Variants in NACA observed in about 807,000 individuals in gnomAD.
NACA encodes the protein nascent polypeptide-associated complex subunit alpha.
NACA carries 42 observed loss-of-function variants against 86.4 expected under a neutral mutation model. The observed-to-expected ratio is 0.49, with a 90% CI of 0.38 to 0.63. The LOEUF (loss-of-function observed/expected upper bound fraction) is 0.63, where lower values mean the gene tolerates loss of function less well. Ranked by LOEUF, NACA falls within the 20% of genes least tolerant of loss-of-function variation. The pLI is 0.00. For synonymous variants in NACA, 898 were observed against 973.7 expected (o/e 0.92, Z 1.45); for missense variants, 2,157 against 2,483.6 (o/e 0.87, Z 2.80).
Position 56,716,700 on chromosome 12 carries a change from G to C in NACA, c.4830C>G (p.Pro1610=). 7.1e-7 allele frequency: 1 copy of C among 1,412,748 alleles called. No individual in the cohort carries two copies. The highest frequency in any genetic ancestry group is 9.5e-7 in the Non-Finnish European group (1 of 1,057,914). 87.5% of individuals were successfully genotyped at this position (1,412,748 alleles called of 1,614,324 possible). A position where few individuals can be genotyped will look rare whatever the true frequency, so the allele number is the denominator to read the frequency against. ...CAGCTGGAGGAGTAGGTGCCTCTTT[G>C]GGGGAAGGAGAAGTCACAGCTGGTG... ...LIPPAVTSPS[P]KEAPTPPAVT... is the part of the protein sequence containing the mutation. The change falls in exon 3 of 9, where the codon CCC becomes CCG. Residue 1610 remains proline, a synonymous_variant. Transcript: ENST00000454682.
At chr12:56,724,819 TACTC>T (rs550993630) in intron 1 of NACA, 17 of 367,194 alleles carry the variant, frequency 4.6e-5, no homozygotes, top group Non-Finnish European at 7.0e-5. Flanking sequence ...CCACTCCTAA[TACTC>T]ACACTGGCTG....
intron 7 of NACA, 47 bp downstream of exon 7, chr12:56,713,015 C>T (rs1357488394): frequency 3.1e-6 from 5 of 1,611,858 alleles, no homozygotes; most frequent in Non-Finnish European, 4.2e-6. Flanking sequence ...AACACGAACA[C>T]AATGCTATAC....
intron 3 of NACA, 86 bp downstream of exon 3, chr12:56,715,785 C>T: frequency 8.4e-7 from 1 of 1,183,604 alleles, no homozygotes; most frequent in Non-Finnish European, 1.1e-6. Flanking sequence ...GAAAGCGGCG[C>T]ATCACAGGGT....
chr12:56,723,825 T>C lies in NACA; in HGVS notation c.70+627A>G, dbSNP rs903129831. 7.2e-5 allele frequency among the ~76,000 whole-genome samples: 11 copies of C among 152,206 alleles called. 1 individual carries two copies. The highest frequency in any genetic ancestry group is 2.7e-4 in the African/African-American group (11 of 41,454). On this transcript the variant is annotated intron_variant, in intron 2 of 8. Transcript: ENST00000454682. Reference sequence around the variant, plus strand: ...ATATGTTTTAACCAGAATTTAAAATTAGCCTTCACAGTCGTTAATTTCGAC... The same window carrying C: ...ATATGTTTTAACCAGAATTTAAAATCAGCCTTCACAGTCGTTAATTTCGAC...
In NACA at chr12:56,718,619, G is replaced by C; in HGVS notation, c.2911C>G (p.Pro971Ala). 3 of 1,322,552 alleles carry C rather than the reference G, an allele frequency of 2.3e-6. No homozygotes were observed. Among genetic ancestry groups the C allele is most frequent in the Non-Finnish European group, 3.0e-6 (3 of 1,016,520 alleles). The allele number at this position is 1,322,552 out of a possible 1,614,324, so 81.9% of individuals were successfully genotyped here. A position where few individuals can be genotyped will look rare whatever the true frequency, so the allele number is the denominator to read the frequency against. ...GTAGCTGGACCTCCTTTTGGGGAGGGAGGAGTTGCAGCTGGGGGTGTGGGG... is the reference window on the plus strand; with the variant it reads ...GTAGCTGGACCTCCTTTTGGGGAGGCAGGAGTTGCAGCTGGGGGTGTGGGG... Reference protein sequence around the residue: ...WAPTPPAATPPSPKGGPATPS... With the variant: ...WAPTPPAATPASPKGGPATPS... Residue 971 changes from proline to alanine, a missense_variant, in exon 3 of 9, where the codon CCC becomes GCC. Transcript: ENST00000454682.
chr12:56,715,463 C>T (rs1953326967), intron 3 of NACA, among the ~76,000 whole-genome samples: 1 of 152,036 alleles, frequency 6.6e-6, no homozygotes, highest in African/African-American at 2.4e-5. Flanking sequence ...AAAATAAATA[C>T]AAATAGTTCA....
At chr12:56,714,245 A>G in intron 5 of NACA, 117 bp downstream of exon 5, 2 of 1,009,434 alleles carry the variant, frequency 2.0e-6, no homozygotes, top group Non-Finnish European at 1.5e-6. Context: ...AATCACCACT[A>G]GAGAACTTAC....
At chr12:56,715,746 T>C in intron 3 of NACA, 125 bp downstream of exon 3, 1 of 893,036 alleles carries the variant, frequency 1.1e-6, no homozygotes, top group Non-Finnish European at 1.6e-6. Context: ...TTCTATGTTC[T>C]ACATCCAAAC....
In NACA at chr12:56,719,971, C is replaced by G. The variant is rs1305527341; in HGVS notation, c.1559G>C (p.Ser520Thr). ...PDPEDLKNLP[S>T]SVLVKFPTQK... ...TGTTGGAAATTTAACCAATACTGAA[C>G]TGGGGAGATTTTTGAGGTCTTCAGG... The change falls in exon 3 of 9, where the codon AGT (serine) becomes ACT (threonine). Residue 520 changes from serine to threonine, a missense_variant. Around this residue, in one of 8 missense-constraint regions of NACA, gnomAD observed 947 missense variants for 917.9 expected, o/e 1.03. Transcript: ENST00000454682. The G allele has an allele frequency of 5.6e-6, 9 of 1,613,544 alleles. No individual in the cohort carries two copies. The highest frequency in any genetic ancestry group is 1.3e-5 in the African/African-American group (1 of 74,804).
chr12:56,717,629 G>A lies in NACA; in HGVS notation c.3901C>T (p.Pro1301Ser), dbSNP rs1953419276. The change falls in exon 3 of 9, where the codon CCA becomes TCA. Residue 1301 changes from proline (P) to serine (S), a missense_variant. Physicochemically the swap from Pro to Ser is moderately conservative, Grantham distance 74 (BLOSUM62 -1). Around this residue, in one of 8 missense-constraint regions of NACA, gnomAD observed 797 missense variants for 777.6 expected, o/e 1.02. Coordinates refer to ENST00000454682, the MANE Select transcript of NACA (RefSeq NM_001365896.1). The part of the protein sequence containing the change: ...VVTPPSPKGG[P>S]ATSPPKGAPT... ...GCCCCTTTGGGGGGTGAGGTAGCTG[G>A]GCCTCCTTTTGGAGAGGGAGGAGTT... 1 of 1,240,608 alleles carries A rather than the reference G, an allele frequency of 8.1e-7. No homozygotes were observed. Among genetic ancestry groups the A allele is most frequent in the Admixed American group, 3.2e-5 (1 of 31,250 alleles). 76.9% of individuals were successfully genotyped at this position (1,240,608 alleles called of 1,614,324 possible).
Position 56,714,705 on chromosome 12 carries a change from T to G in NACA, c.5660-18A>C. The G allele has an allele frequency of 6.2e-7, 1 of 1,608,046 alleles. No homozygotes were observed. The highest frequency in any genetic ancestry group is 8.5e-7 in the Non-Finnish European group (1 of 1,174,528). On this transcript the variant is annotated intron_variant, in intron 3 of 8. Coordinates refer to ENST00000454682, the MANE Select transcript of NACA (RefSeq NM_001365896.1). ...TCCAGACCCTAAGATGAGAAACAAC[T>G]TTTACTGCTTTATAGTAGAAATTAT...
Position 56,721,371 on chromosome 12 carries a change from T to A in NACA, c.159A>T (p.Pro53=). 6.6e-7 allele frequency: 1 copy of A among 1,520,608 alleles called. No individual in the cohort carries two copies. Among genetic ancestry groups the A allele is most frequent in the Non-Finnish European group, 8.8e-7 (1 of 1,135,326 alleles). The allele number at this position is 1,520,608 out of a possible 1,614,324, so 94.2% of individuals were successfully genotyped here. A position where few individuals can be genotyped will look rare whatever the true frequency, so the allele number is the denominator to read the frequency against. ...PTLPPPCSPA[P]QQCPLSAANQ... Reference sequence around the variant, plus strand: ...TAGCAGCTGAGAGAGGGCACTGTTGTGGGGCAGGAGAGCAAGGAGGGGGGA... The same window carrying A: ...TAGCAGCTGAGAGAGGGCACTGTTGAGGGGCAGGAGAGCAAGGAGGGGGGA... Residue 53 remains proline, a synonymous_variant, in exon 3 of 9, where the codon CCA becomes CCT. Coordinates refer to ENST00000454682, the MANE Select transcript of NACA (RefSeq NM_001365896.1).
Position 56,713,249 on chromosome 12 carries a change from CAT to C in NACA, c.5971-61_5971-60del, listed in dbSNP as rs771667951. Reference sequence around the variant, plus strand: ...GATTAGCAGTCTTTGAAAAATAAATCATATAGTTTCACAACTCTCTGTAAACC... The same window carrying C: ...GATTAGCAGTCTTTGAAAAATAAATCATAGTTTCACAACTCTCTGTAAACC... On this transcript the variant is annotated intron_variant, in intron 6 of 8. Transcript: ENST00000454682. 1.3e-4 allele frequency: 206 copies of C among 1,569,326 alleles called. 1 individual carries two copies. The highest frequency in any genetic ancestry group is 6.7e-4 in the Middle Eastern group (4 of 6,002).
intron 3 of NACA, among the ~76,000 whole-genome samples, chr12:56,715,619 G>A (rs1248548094): frequency 6.6e-6 from 1 of 152,046 alleles, no homozygotes; most frequent in Non-Finnish European, 1.5e-5. Flanking sequence ...GGCAGGCTCA[G>A]GGTAGTCCGG....
intron 2 of NACA, among the ~76,000 whole-genome samples, chr12:56,722,226 A>T (rs528222000): frequency 6.6e-6 from 1 of 152,156 alleles, no homozygotes; most frequent in South Asian, 2.1e-4. Flanking sequence ...AAAGGACTGT[A>T]ATAGTCTCTA....
Position 56,713,088 on chromosome 12 carries a change from C to T in NACA, c.6073G>A (p.Val2025Ile). ...TCTTCCTCTTCACTCTCCTCTTGTACAGTTGGAGTCTGTGTGTTTTCTTGA... is the reference window on the plus strand; with the variant it reads ...TCTTCCTCTTCACTCTCCTCTTGTATAGTTGGAGTCTGTGTGTTTTCTTGA... ...NIQENTQTPT[V>I]QEESEEEEVD... The change falls in exon 7 of 9, where the codon GTA (valine) becomes ATA (isoleucine). Residue 2025 changes from valine to isoleucine, a missense_variant. Val to Ile is a conservative substitution (Grantham distance 29). Transcript: ENST00000454682. 2 of 1,613,992 alleles carry T rather than the reference C, an allele frequency of 1.2e-6. No homozygotes were observed. The highest frequency in any genetic ancestry group is 1.7e-6 in the Non-Finnish European group (2 of 1,179,994).
At chr12:56,714,319 TA>T (rs748366988) in intron 5 of NACA, 42 bp downstream of exon 5, 15 of 1,590,998 alleles carry the variant, frequency 9.4e-6, no homozygotes, top group Non-Finnish European at 1.0e-5. Flanking sequence ...CCACTCTGTA[TA>T]AAGGTGCTTC....
rs747540797 is a variant in NACA, at chr12:56,720,979, G to T, written c.551C>A (p.Pro184Gln). ...TLSAPIAPSE[P>Q]KTNLNKVPSE... Reference sequence around the variant, plus strand: ...GGGAACTTTATTAAGATTAGTCTTTGGTTCTGAGGGAGCAATGGGAGCTGA... The same window carrying T: ...GGGAACTTTATTAAGATTAGTCTTTTGTTCTGAGGGAGCAATGGGAGCTGA... Residue 184 changes from proline (P) to glutamine (Q), a missense_variant, in exon 3 of 9, where the codon CCA becomes CAA. By Grantham distance (76) the Pro-to-Gln change is moderately conservative (BLOSUM62 -1). Around this residue, in one of 8 missense-constraint regions of NACA, gnomAD observed 947 missense variants for 917.9 expected, o/e 1.03. Coordinates refer to ENST00000454682, the MANE Select transcript of NACA (RefSeq NM_001365896.1). 2.5e-6 allele frequency: 4 copies of T among 1,613,856 alleles called. No homozygotes were observed. The highest frequency in any genetic ancestry group is 1.7e-6 in the Non-Finnish European group (2 of 1,179,890).
At chr12:56,724,784 C>T (rs1953668176) in intron 1 of NACA, 5 of 476,134 alleles carry the variant, frequency 1.1e-5, no homozygotes, top group Non-Finnish European at 1.9e-5. Context: ...TCATGGGAGA[C>T]TTCAGACGCT....
Sources: allele counts gnomAD v4.1 joint callset (sites outside exome capture counted in the v4.1 genomes callset), GRCh38; gene constraint gnomAD v4.1.1; regional missense constraint gnomAD v4.1.1; transcripts MANE v1.5; gene names NCBI Gene and HGNC (gene_info 2026-07-23, HGNC 2026-07-21).